Variants in PRDM5 observed in about 807,000 individuals in gnomAD.
PRDM5 encodes the protein PR domain zinc finger protein 5.
Under a neutral mutation model 81.2 loss-of-function variants are expected in PRDM5, and 56 were observed. The ratio of observed to expected loss-of-function variants is 0.69; its 90% CI spans 0.56 to 0.86. The LOEUF (loss-of-function observed/expected upper bound fraction) is 0.86, where lower values mean the gene tolerates loss of function less well. Among genes scored for constraint, PRDM5 ranks in the 40% least tolerant of loss-of-function variants. The pLI is 0.00. For synonymous variants in PRDM5, 267 were observed against 256.4 expected (o/e 1.04, Z -0.39); for missense variants, 697 against 770.1 (o/e 0.91, Z 1.12).
At chr4:120,702,291 C>G (rs1386932709) in intron 15 of PRDM5, among the ~76,000 whole-genome samples, 1 of 152,160 alleles carries the variant, frequency 6.6e-6, no homozygotes, top group Non-Finnish European at 1.5e-5. Flanking sequence ...TCACTGAGCT[C>G]TAGCCAAACT....
At position 120,803,851 on chromosome 4, in the gene PRDM5, C is replaced by A. The variant is rs149175371; in HGVS notation, c.946-4106G>T. The stretch of plus-strand genomic sequence containing the variant: ...ATGATAGGATCAAATTCACACATAA[C>A]AATATTAACCTTAAATGTAAATGGG... On this transcript the variant is annotated intron_variant, in intron 8 of 15. Transcript: ENST00000264808. Among the ~76,000 whole-genome samples, 470 of 152,232 alleles carry A rather than the reference C, an allele frequency of 3.1e-3. 2 individuals carry two copies. Among genetic ancestry groups the A allele is most frequent in the African/African-American group, 0.011 (463 of 41,526 alleles).
chr4:120,894,179 A>G (rs936329161), intron 2 of PRDM5, among the ~76,000 whole-genome samples: 1 of 152,198 alleles, frequency 6.6e-6, no homozygotes, highest in African/African-American at 2.4e-5. Context: ...AGTTAAAACC[A>G]TATTTTAGTA....
intron 1 of PRDM5, among the ~76,000 whole-genome samples, chr4:120,908,140 TGA>T (rs1766046790): frequency 6.6e-6 from 1 of 152,228 alleles, no homozygotes; most frequent in Non-Finnish European, 1.5e-5. Flanking sequence ...GTTACTAGTT[TGA>T]GATACAGAAT....
At position 120,757,716 on chromosome 4, in the gene PRDM5, CCTT is replaced by C. The variant is rs113023628; in HGVS notation, c.1538-3081_1538-3079del. Among the ~76,000 whole-genome samples the C allele has an allele frequency of 3.3e-3, 503 of 151,936 alleles. 2 individuals are homozygous for C. The highest frequency in any genetic ancestry group is 0.011 in the African/African-American group (463 of 41,398). On this transcript the variant is annotated intron_variant, in intron 13 of 15. Coordinates refer to ENST00000264808, the MANE Select transcript of PRDM5 (RefSeq NM_018699.4). ...CCTCTCTTTCTCTCCTCCTCCTCCTCCTTCTTCTTTCTCTTCTCTTTTCTTTTC... is the reference window on the plus strand; with the variant it reads ...CCTCTCTTTCTCTCCTCCTCCTCCTCCTTCTTTCTCTTCTCTTTTCTTTTC...
chr4:120,799,672 A>T lies in PRDM5; in HGVS notation c.1019T>A (p.Ile340Asn). 1 of 1,612,570 alleles carries T rather than the reference A, an allele frequency of 6.2e-7. No individual in the cohort carries two copies. Among genetic ancestry groups the T allele is most frequent in the South Asian group, 1.1e-5 (1 of 90,968 alleles). The change falls in exon 9 of 16, where the codon ATC becomes AAC. Residue 340 changes from isoleucine to asparagine, a missense_variant. This residue lies in a region of PRDM5 where 577 missense variants were observed against 606.7 expected (regional missense o/e 0.95). Transcript: ENST00000264808. ...AGTATATAGTTTACCTGAGTGGGTGATCATATGACGTTTTAGCTGATTAGC... is the reference window on the plus strand; with the variant it reads ...AGTATATAGTTTACCTGAGTGGGTGTTCATATGACGTTTTAGCTGATTAGC... ...ISANQLKRHM[I>N]THSEKRPYNC...
chr4:120,717,910 T>C (rs575473819), intron 14 of PRDM5, among the ~76,000 whole-genome samples: 2 of 101,230 alleles, frequency 2.0e-5, no homozygotes, highest in East Asian at 3.5e-4. Context: ...CACAAAATCA[T>C]AGAATGATGC....
rs1210271982 is a variant in PRDM5 at position 120,815,151 on chromosome 4, A to G, written c.865+1302T>C. On this transcript the variant is annotated intron_variant, in intron 7 of 15. Coordinates refer to ENST00000264808, the MANE Select transcript of PRDM5 (RefSeq NM_018699.4). ...AAAGTTCTATTACAATATATTGCAGACATAGATGAAGAAAATTAAGAATAG... is the reference window on the plus strand; with the variant it reads ...AAAGTTCTATTACAATATATTGCAGGCATAGATGAAGAAAATTAAGAATAG... Among the ~76,000 whole-genome samples the G allele has an allele frequency of 2.0e-5, 3 of 152,230 alleles. No homozygotes were observed. In the East Asian group the frequency reaches 5.8e-4, roughly 29 times the overall value.
At chr4:120,831,427 T>C (rs72921577) in intron 3 of PRDM5, among the ~76,000 whole-genome samples, 6 of 152,216 alleles carry the variant, frequency 3.9e-5, no homozygotes, top group South Asian at 2.1e-4. Context: ...CACGCATTCA[T>C]TCCTACACCT....
intron 1 of PRDM5, among the ~76,000 whole-genome samples, chr4:120,910,232 T>C (rs915524794): frequency 1.3e-5 from 2 of 152,202 alleles, no homozygotes; most frequent in Non-Finnish European, 2.9e-5. Flanking sequence ...CCGGGTCTGT[T>C]ACAAAGAGTT....
intron 15 of PRDM5, among the ~76,000 whole-genome samples, chr4:120,700,709 T>C (rs1735214266): frequency 6.6e-6 from 1 of 152,178 alleles, no homozygotes; most frequent in African/African-American, 2.4e-5. Flanking sequence ...TCACAGACAC[T>C]TCTCAAAAGA....
At chr4:120,855,984 A>G (rs954231201) in intron 2 of PRDM5, among the ~76,000 whole-genome samples, 4 of 152,220 alleles carry the variant, frequency 2.6e-5, no homozygotes, top group Non-Finnish European at 5.9e-5. Context: ...TTCTTCAAAG[A>G]TACGAAACAG....
intron 3 of PRDM5, among the ~76,000 whole-genome samples, chr4:120,848,338 A>T (rs343179): frequency 3.9e-5 from 6 of 152,220 alleles, no homozygotes; most frequent in African/African-American, 1.4e-4. Context: ...CTGAATTTAC[A>T]TTTTTAAAAA....
At chr4:120,887,062 C>G (rs1206317653) in intron 2 of PRDM5, among the ~76,000 whole-genome samples, 1 of 152,080 alleles carries the variant, frequency 6.6e-6, no homozygotes, top group African/African-American at 2.4e-5. Flanking sequence ...TTTCCTGCCT[C>G]AGCCTCCCAA....
intron 3 of PRDM5, among the ~76,000 whole-genome samples, chr4:120,852,586 G>A (rs1306273503): frequency 6.6e-6 from 1 of 151,826 alleles, no homozygotes; most frequent in East Asian, 1.9e-4. Context: ...ACTTAAACTG[G>A]TACATCAGCA....
At chr4:120,921,234 G>A (rs1035878759) in intron 1 of PRDM5, among the ~76,000 whole-genome samples, 1 of 152,130 alleles carries the variant, frequency 6.6e-6, no homozygotes, top group Non-Finnish European at 1.5e-5. Context: ...CTGTACAGAC[G>A]TCATTTGGTG....
intron 3 of PRDM5, among the ~76,000 whole-genome samples, chr4:120,833,614 T>C (rs2122510): frequency 0.32 from 48,771 of 152,040 alleles, 8,023 homozygotes; most frequent in African/African-American, 0.4. Context: ...GCTAGTCTTG[T>C]TGTTGCACTT....
intron 14 of PRDM5, among the ~76,000 whole-genome samples, chr4:120,738,177 C>T (rs1269224625): frequency 6.6e-6 from 1 of 152,214 alleles, no homozygotes; most frequent in African/African-American, 2.4e-5. Context: ...AAGCAGAGAT[C>T]ACCCACGCTT....
At chr4:120,730,539 A>G (rs1259425924) in intron 14 of PRDM5, among the ~76,000 whole-genome samples, 1 of 152,246 alleles carries the variant, frequency 6.6e-6, no homozygotes, top group Non-Finnish European at 1.5e-5. Context: ...CTCTGAATAG[A>G]GAACAAGATG....
chr4:120,821,743 T>TAA (rs35419987), intron 3 of PRDM5, among the ~76,000 whole-genome samples: 35 of 138,256 alleles, frequency 2.5e-4, no homozygotes, highest in African/African-American at 4.5e-4. Context: ...ACACAAAACT[T>TAA]AAAAAAAAAA....
Sources: allele counts gnomAD v4.1 joint callset (sites outside exome capture counted in the v4.1 genomes callset), GRCh38; gene constraint gnomAD v4.1.1; regional missense constraint gnomAD v4.1.1; transcripts MANE v1.5; gene names NCBI Gene and HGNC (gene_info 2026-07-23, HGNC 2026-07-21).